ARHGEF12: variants seen among roughly 807,000 people sequenced by gnomAD.
The protein encoded by ARHGEF12 is Rho guanine nucleotide exchange factor 12.
ARHGEF12 carries 66 observed loss-of-function variants against 211.2 expected under a neutral mutation model. The ratio of observed to expected loss-of-function variants is 0.31; its 90% CI spans 0.26 to 0.38. The LOEUF (loss-of-function observed/expected upper bound fraction) is 0.38. Ranked by LOEUF, ARHGEF12 falls within the 10% of genes least tolerant of loss-of-function variation. ARHGEF12 has a pLI of 1.00. For missense variants in ARHGEF12, 1,429 were observed against 1,869.5 expected (o/e 0.76, Z 4.34); for synonymous variants, 592 against 638.4 (o/e 0.93, Z 1.09).
chr11:120,340,561 A>G (rs914462958), intron 1 of ARHGEF12, among the ~76,000 whole-genome samples: 1 of 152,142 alleles, frequency 6.6e-6, no homozygotes, highest in African/African-American at 2.4e-5. Context: ...GATACTTTTC[A>G]TTAGTGATAC....
Position 120,480,321 on chromosome 11 carries a change from C to A in ARHGEF12, c.4128C>A (p.Asp1376Glu), listed in dbSNP as rs773749077. The A allele has an allele frequency of 6.2e-7, 1 of 1,614,174 alleles. No individual in the cohort carries two copies. Among genetic ancestry groups the A allele is most frequent in the South Asian group, 1.1e-5 (1 of 91,076 alleles). Reference protein sequence around the residue: ...PTMEPEGGLDDSGEHFFDARE... With the variant: ...PTMEPEGGLDESGEHFFDARE... Reference sequence around the variant, plus strand: ...TGGAGCCAGAAGGGGGTCTTGATGACAGTGGAGAGCACTTTTTTGATGCCC... The same window carrying A: ...TGGAGCCAGAAGGGGGTCTTGATGAAAGTGGAGAGCACTTTTTTGATGCCC... Residue 1376 changes from aspartate to glutamate, a missense_variant, in exon 38 of 41, where the codon GAC becomes GAA. Asp to Glu is a conservative substitution (Grantham distance 45, BLOSUM62 2). This residue lies in a region of ARHGEF12 where 467 missense variants were observed against 468.4 expected (regional missense o/e 1.00). Transcript: ENST00000397843.
intron 7 of ARHGEF12, among the ~76,000 whole-genome samples, chr11:120,427,214 C>G (rs1333366023): frequency 6.6e-6 from 1 of 152,002 alleles, no homozygotes; most frequent in Non-Finnish European, 1.5e-5. Flanking sequence ...TCCCGCCCCC[C>G]GCAATATGTC....
intron 1 of ARHGEF12, among the ~76,000 whole-genome samples, chr11:120,356,821 A>G (rs182237146): frequency 6.6e-6 from 1 of 152,140 alleles, no homozygotes; most frequent in Non-Finnish European, 1.5e-5. Context: ...TAATCTCTCC[A>G]TGCAAAATAC....
intron 4 of ARHGEF12, 67 bp from the exon 5 acceptor site, chr11:120,420,686 A>G (rs1263356560): frequency 1.5e-6 from 2 of 1,311,150 alleles, no homozygotes; most frequent in South Asian, 1.3e-5. Flanking sequence ...TTACTAATAT[A>G]TAATTATTGT....
At chr11:120,389,827 T>C (rs1944158497) in intron 1 of ARHGEF12, among the ~76,000 whole-genome samples, 5 of 152,210 alleles carry the variant, frequency 3.3e-5, no homozygotes, top group Admixed American at 3.3e-4. Context: ...TGACGTCCAT[T>C]TCCATCCATC....
At chr11:120,386,765 C>T (rs1026556306) in intron 1 of ARHGEF12, among the ~76,000 whole-genome samples, 2 of 152,062 alleles carry the variant, frequency 1.3e-5, no homozygotes, top group African/African-American at 4.8e-5. Context: ...AAATTATTGT[C>T]ATTCTTGTTA....
intron 1 of ARHGEF12, 170 bp downstream of exon 1, chr11:120,337,445 T>A (rs1942385996): frequency 1.0e-6 from 1 of 985,204 alleles, no homozygotes; most frequent in Non-Finnish European, 1.2e-6. Context: ...TCCAGTTGAT[T>A]GGCTTTTGGA....
At chr11:120,384,359 A>T (rs930245257) in intron 1 of ARHGEF12, among the ~76,000 whole-genome samples, 2 of 152,194 alleles carry the variant, frequency 1.3e-5, no homozygotes, top group African/African-American at 4.8e-5. Context: ...GATGTATTCA[A>T]ATGTTTTAAG....
chr11:120,476,562 T>C (rs1268400100), intron 33 of ARHGEF12, 99 bp from the exon 34 acceptor site: 1 of 683,920 alleles, frequency 1.5e-6, no homozygotes, highest in African/African-American at 1.8e-5. Flanking sequence ...ATGTAACCTT[T>C]ATCTAGTTTA....
At chr11:120,471,883 C>G (rs560379792) in intron 30 of ARHGEF12, among the ~76,000 whole-genome samples, 6 of 152,088 alleles carry the variant, frequency 3.9e-5, no homozygotes, top group Non-Finnish European at 7.4e-5. Context: ...TCCAACAGTT[C>G]TGGAAATTTA....
At chr11:120,468,751 G>A (rs775222101) in intron 29 of ARHGEF12, among the ~76,000 whole-genome samples, 10 of 152,182 alleles carry the variant, frequency 6.6e-5, no homozygotes, top group South Asian at 2.1e-4. Context: ...TTGCCTTGCC[G>A]CCTCAATACG....
intron 22 of ARHGEF12, among the ~76,000 whole-genome samples, chr11:120,454,775 A>G (rs941270800): frequency 6.6e-5 from 10 of 152,218 alleles, no homozygotes; most frequent in Non-Finnish European, 1.5e-4. Flanking sequence ...ACTTTTCCAT[A>G]GAGATACTTG....
chr11:120,457,096 A>G (rs879759605), intron 22 of ARHGEF12, 22 bp from the exon 23 acceptor site: 2 of 1,612,202 alleles, frequency 1.2e-6, no homozygotes, highest in African/African-American at 2.7e-5. Flanking sequence ...ACACTCTTCA[A>G]ATGTCTGACT....
chr11:120,411,892 T>C (rs1944894187), intron 4 of ARHGEF12: 1 of 151,664 alleles, frequency 6.6e-6, no homozygotes, highest in African/African-American at 2.4e-5. Flanking sequence ...TCTCCTGAGC[T>C]CAAGCAGTCC....
chr11:120,446,351 T>C, intron 16 of ARHGEF12, 52 bp from the exon 17 acceptor site: 1 of 1,409,884 alleles, frequency 7.1e-7, no homozygotes, highest in Admixed American at 2.0e-5. Context: ...TTGCCAATTG[T>C]ATGTTGCCCA....
chr11:120,378,730 C>T (rs1943798209), intron 1 of ARHGEF12, among the ~76,000 whole-genome samples: 1 of 152,194 alleles, frequency 6.6e-6, no homozygotes, highest in Non-Finnish European at 1.5e-5. Flanking sequence ...AAAAGACTGT[C>T]CTTTTCCCGT....
chr11:120,356,509 G>A (rs549480256), intron 1 of ARHGEF12, among the ~76,000 whole-genome samples: 9 of 152,278 alleles, frequency 5.9e-5, no homozygotes, highest in Non-Finnish European at 1.2e-4. Flanking sequence ...CTGAGCCACT[G>A]CGCCCAGCCT....
In ARHGEF12 at chr11:120,460,822, GTAAC is replaced by G. The variant is rs1360914790; in HGVS notation, c.2613+70_2613+73del. The G allele has an allele frequency of 3.7e-6, 5 of 1,353,842 alleles. No individual in the cohort carries two copies. In the African/African-American group the frequency reaches 4.3e-5, roughly 12 times the overall value. 83.9% of individuals were successfully genotyped at this position (1,353,842 alleles called of 1,614,324 possible). On this transcript the variant is annotated intron_variant, in intron 27 of 40. Transcript: ENST00000397843. ...CACTTGATGGTTAGATTCAAGTTGA[GTAAC>G]TAACCTTTCCAAATATGCAAACTCA...
chr11:120,393,986 A>G (rs1220493482), intron 1 of ARHGEF12, among the ~76,000 whole-genome samples: 4 of 152,164 alleles, frequency 2.6e-5, no homozygotes, highest in Non-Finnish European at 5.9e-5. Context: ...CCTGGTCACC[A>G]TGGACTGAAA....
Sources: gnomAD v4.1 joint callset for allele counts (sites outside exome capture counted in the v4.1 genomes callset) on GRCh38, gnomAD v4.1.1 for gene constraint, gnomAD v4.1.1 regional missense constraint, MANE v1.5 for transcripts, NCBI Gene and HGNC (gene_info 2026-07-23, HGNC 2026-07-21) for gene names.